The following KANSL1 variants were observed in gnomAD, a reference collection of about 807,000 sequenced individuals.
KANSL1 encodes the protein MLL1/MLL complex subunit KANSL1.
KANSL1 carries 22 observed loss-of-function variants against 103.6 expected under a neutral mutation model. The observed-to-expected ratio is 0.21, with a 90% confidence interval of 0.15 to 0.30. KANSL1 has a LOEUF of 0.30. KANSL1 is among the 10% of genes least tolerant of loss of function. The probability of loss-of-function intolerance (pLI) is 1.00; values close to 1 mark genes in which losing one functional copy is unlikely to be tolerated. For synonymous variants in KANSL1, 600 were observed against 527.6 expected, an observed-to-expected ratio of 1.14 and a Z score of -1.88; for missense variants, 1,337 against 1,399.8, an observed-to-expected ratio of 0.96 and a Z score of 0.72.
chr17:46,053,085 C>T (rs1028011910), intron 6 of KANSL1, among the ~76,000 whole-genome samples: 15 of 146,898 alleles, frequency 1.0e-4, no homozygotes, highest in Middle Eastern at 3.8e-3. Context: ...GTCAGGAGTT[C>T]GAGACCAGCC....
At chr17:46,151,082 A>G (rs1425923985) in intron 2 of KANSL1, among the ~76,000 whole-genome samples, 2 of 152,244 alleles carry the variant, frequency 1.3e-5, no homozygotes, top group Non-Finnish European at 2.9e-5. Context: ...CCTTCCAGCT[A>G]TTTCTAAAAA....
At chr17:46,093,900 T>A (rs2079514954) in intron 3 of KANSL1, 1 of 152,262 alleles carries the variant, frequency 6.6e-6, no homozygotes, top group Non-Finnish European at 1.5e-5. Context: ...TGGTACATCT[T>A]ACCATCAGTA....
At chr17:46,033,956 T>C (rs2077080554) in intron 11 of KANSL1, among the ~76,000 whole-genome samples, 1 of 152,250 alleles carries the variant, frequency 6.6e-6, no homozygotes, top group African/African-American at 2.4e-5. Flanking sequence ...TACCAGGCTG[T>C]GACTGCTGGT....
At chr17:46,079,718 T>C (rs2078912928) in intron 4 of KANSL1, among the ~76,000 whole-genome samples, 1 of 152,244 alleles carries the variant, frequency 6.6e-6, no homozygotes, top group South Asian at 2.1e-4. Flanking sequence ...GGTTCACACC[T>C]GTAATCCCAG....
chr17:46,134,605 C>T (rs1050835957), intron 2 of KANSL1, among the ~76,000 whole-genome samples: 6 of 151,220 alleles, frequency 4.0e-5, no homozygotes, highest in East Asian at 2.0e-4. Context: ...TTTGGGAGGC[C>T]GAGGCAGGTG....
chr17:46,097,321 A>G (rs1343729201), intron 2 of KANSL1, among the ~76,000 whole-genome samples: 3 of 152,258 alleles, frequency 2.0e-5, no homozygotes, highest in Non-Finnish European at 4.4e-5. Flanking sequence ...ATGAAATACT[A>G]TCTAGCAATT....
intron 2 of KANSL1, among the ~76,000 whole-genome samples, chr17:46,105,906 GACACACACACACACACACACACACACAC>G (rs773000790): frequency 2.1e-5 from 2 of 95,182 alleles, no homozygotes; most frequent in Non-Finnish European, 4.5e-5. Flanking sequence ...GCAAGGCCTT[GACACACACACACACACACACACACACAC>G]ACACACACAC....
intron 4 of KANSL1, among the ~76,000 whole-genome samples, chr17:46,074,523 CA>C (rs1406165499): frequency 6.6e-6 from 1 of 151,930 alleles, no homozygotes; most frequent in East Asian, 1.9e-4. Flanking sequence ...ATATAATGAG[CA>C]ACAGAATATT....
Position 46,039,207 on chromosome 17 carries a change from G to A in KANSL1, c.2212C>T (p.His738Tyr). 6.3e-7 allele frequency: 1 copy of A among 1,580,198 alleles called. No individual in the cohort carries two copies. The highest frequency in any genetic ancestry group is 1.2e-5 in the South Asian group (1 of 86,328). Residue 738 changes from histidine (H) to tyrosine (Y), a missense_variant, in exon 9 of 15, where the codon CAT becomes TAT. His to Tyr is a moderately conservative substitution (Grantham distance 83, BLOSUM62 2). Coordinates refer to ENST00000432791, the MANE Select transcript of KANSL1 (RefSeq NM_015443.4). ...SSFLTTAKLS[H>Y]HQTRPDRTHR... ...GTCCTGTCAGGCCGGGTTTGGTGAT[G>A]GGACAGCTCTGAAGAGGGGAACAGA...
intron 1 of KANSL1, among the ~76,000 whole-genome samples, chr17:46,215,351 G>T (rs1342243926): frequency 6.6e-6 from 1 of 152,212 alleles, no homozygotes; most frequent in African/African-American, 2.4e-5. Flanking sequence ...GTGGAGAGAT[G>T]ATCTGGCAAA....
At chr17:46,175,510 C>G (rs2147784409) in intron 1 of KANSL1, among the ~76,000 whole-genome samples, 2 of 152,230 alleles carry the variant, frequency 1.3e-5, no homozygotes, top group South Asian at 4.1e-4. Context: ...TCACCATGCC[C>G]AGATAATTTT....
chr17:46,116,401 G>T (rs1444508977), intron 2 of KANSL1, among the ~76,000 whole-genome samples: 1 of 152,224 alleles, frequency 6.6e-6, no homozygotes, highest in African/African-American at 2.4e-5. Context: ...GTGGTGGTGC[G>T]TGCCTGTACT....
intron 7 of KANSL1, chr17:46,040,928 AAG>A (rs1259752308): frequency 6.6e-6 from 1 of 152,222 alleles, no homozygotes; most frequent in Non-Finnish European, 1.5e-5. Flanking sequence ...CAGAAGTTGG[AAG>A]AGTTTGCAGG....
chr17:46,146,460 A>C (rs1478603555), intron 2 of KANSL1, among the ~76,000 whole-genome samples: 1 of 152,226 alleles, frequency 6.6e-6, no homozygotes, highest in African/African-American at 2.4e-5. Flanking sequence ...TTGAAAAAAA[A>C]AATTTTTTTT....
At chr17:46,147,532 C>T (rs1440888043) in intron 2 of KANSL1, among the ~76,000 whole-genome samples, 1 of 143,044 alleles carries the variant, frequency 7.0e-6, no homozygotes, top group Non-Finnish European at 1.5e-5. Context: ...AGAGATCATA[C>T]CACTAACCCC....
intron 6 of KANSL1, among the ~76,000 whole-genome samples, chr17:46,058,739 ACACACTCTCTCTCTCTCTCTCTCTCTCT>A (rs1486448555): frequency 6.3e-4 from 19 of 30,132 alleles, no homozygotes; most frequent in East Asian, 1.1e-3. Flanking sequence ...ACACACACAC[ACACACTCTCTCTCTCTCTCTCTCTCTCT>A]CTCTCTCTCT....
intron 2 of KANSL1, among the ~76,000 whole-genome samples, chr17:46,149,853 A>T (rs1252702151): frequency 6.6e-6 from 1 of 150,654 alleles, no homozygotes. Context: ...TCTCTACTAA[A>T]AATACAAAAA....
chr17:46,134,510 T>C (rs2044023051), intron 2 of KANSL1, among the ~76,000 whole-genome samples: 1 of 151,928 alleles, frequency 6.6e-6, no homozygotes, highest in African/African-American at 2.4e-5. Context: ...GACCTGAAAA[T>C]ATAAATTACG....
In KANSL1 at chr17:46,050,560, C is replaced by T. The variant is rs1180495776; in HGVS notation, c.1993G>A (p.Val665Ile). ...LERLSQLDSC[V>I]HPVLAFPDDV... ...TCTGGAAATGCTAGAACAGGATGAA[C>T]ACAAGAGTCCAACTGGGAAAGACGT... The change falls in exon 7 of 15, where the codon GTT becomes ATT. Residue 665 changes from valine to isoleucine, a missense_variant. Transcript: ENST00000432791. The T allele has an allele frequency of 3.1e-6, 5 of 1,614,046 alleles. No homozygotes were observed. Among genetic ancestry groups the T allele is most frequent in the East Asian group, 2.2e-5 (1 of 44,896 alleles).
Sources: allele counts gnomAD v4.1 joint callset (sites outside exome capture counted in the v4.1 genomes callset), GRCh38; gene constraint gnomAD v4.1.1; transcripts MANE v1.5; gene names NCBI Gene and HGNC (gene_info 2026-07-23, HGNC 2026-07-21).